Variants in LZTS2 observed in about 807,000 individuals in gnomAD.
LZTS2 encodes the protein leucine zipper tumor suppressor 2, also known as leucine zipper putative tumor suppressor 2.
In LZTS2, 32 loss-of-function variants were observed where a neutral mutation model predicts 60.6. The ratio of observed to expected loss-of-function variants is 0.53; its 90% CI spans 0.40 to 0.71. The LOEUF (loss-of-function observed/expected upper bound fraction) is 0.71. LZTS2 is among the 30% of genes least tolerant of loss of function. The probability of loss-of-function intolerance (pLI) is 0.00; values close to 1 mark genes in which losing one functional copy is unlikely to be tolerated. For synonymous variants in LZTS2, 360 were observed against 393.1 expected (o/e 0.92, Z 1.00); for missense variants, 792 against 901.9 (o/e 0.88, Z 1.56).
At chr10:101,001,948 G>C (rs1427444070) in exon 1 of LZTS2, 1 of 152,246 alleles carries the variant, frequency 6.6e-6, no homozygotes, top group Non-Finnish European at 1.5e-5. Context: ...TATTTAGCCA[G>C]ATCGACAGAG....
chr10:101,002,923 C>T (rs1296762210), exon 1 of LZTS2: 1 of 1,611,676 alleles, frequency 6.2e-7, no homozygotes, highest in East Asian at 2.2e-5. Flanking sequence ...AAAGCTCATC[C>T]CTGTCTCTGG....
chr10:101,001,921 A>G (rs1274806815), exon 1 of LZTS2: 1 of 152,224 alleles, frequency 6.6e-6, no homozygotes, highest in East Asian at 1.9e-4. Flanking sequence ...TGGACTCCCT[A>G]AGAGCCGCGG....
chr10:101,007,544 A>G, exon 4 of LZTS2: 1 of 1,319,884 alleles, frequency 7.6e-7, no homozygotes. Context: ...AAAGCCAGAG[A>G]AAGCCAGATG....
At chr10:101,007,618 C>T (rs1792374133) in exon 4 of LZTS2, 3 of 1,255,998 alleles carry the variant, frequency 2.4e-6, no homozygotes, top group African/African-American at 1.5e-5. Context: ...GGCTCGGTTC[C>T]CAGGTTTGAG....
upstream of LZTS2, chr10:100,999,341 G>C (rs1483925546): frequency 3.3e-5 from 5 of 152,378 alleles, no homozygotes; most frequent in Middle Eastern, 3.4e-3. Flanking sequence ...ATCGAGCCTC[G>C]GCCTCCTACT....
upstream of LZTS2, chr10:100,996,703 C>T (rs1851924314): frequency 6.6e-6 from 1 of 152,484 alleles, no homozygotes; most frequent in African/African-American, 2.4e-5. Flanking sequence ...GTGGGAGCTG[C>T]TCTGGTGAAA....
chr10:101,007,750 C>T lies in LZTS2; in HGVS notation c.*582C>T, dbSNP rs1345403725. The T allele has an allele frequency of 2.0e-5, 13 of 650,966 alleles. No homozygotes were observed. In the East Asian group the frequency reaches 8.2e-4, roughly 41 times the overall value. 40.3% of individuals were successfully genotyped at this position (650,966 alleles called of 1,614,324 possible). A position where few individuals can be genotyped will look rare whatever the true frequency, so the allele number is the denominator to read the frequency against. On this transcript the variant is annotated 3_prime_UTR_variant, in exon 4 of 4. Coordinates refer to ENST00000370220, the Ensembl canonical transcript of LZTS2. The stretch of plus-strand genomic sequence containing the variant: ...CTCCCTTCACCCAGGTTTATGGCCT[C>T]GTTTTCACTTGTATATTTTTCACAC...
upstream of LZTS2, among the ~76,000 whole-genome samples, chr10:100,997,601 T>C (rs1851942529): frequency 6.7e-6 from 1 of 149,062 alleles, no homozygotes; most frequent in South Asian, 2.2e-4. Flanking sequence ...GCCCTGTGAC[T>C]ACCGACGGGG....
At chr10:101,004,872 T>C (rs1301301893) in intron 2 of LZTS2, among the ~76,000 whole-genome samples, 2 of 152,208 alleles carry the variant, frequency 1.3e-5, no homozygotes, top group Non-Finnish European at 1.5e-5. Context: ...TTATTTTTTA[T>C]TTTTAGTAGA....
exon 1 of LZTS2, chr10:101,002,636 T>C: frequency 6.2e-7 from 1 of 1,604,394 alleles, no homozygotes; most frequent in Non-Finnish European, 8.5e-7. Context: ...AGCAGCCTTA[T>C]CTCAGGCCGG....
intron 2 of LZTS2, among the ~76,000 whole-genome samples, chr10:101,005,030 G>T (rs1208123415): frequency 6.6e-6 from 1 of 151,952 alleles, no homozygotes; most frequent in African/African-American, 2.4e-5. Flanking sequence ...TTGAGACAAG[G>T]TCTCATTCTG....
chr10:101,007,007 C>T, exon 4 of LZTS2: 1 of 1,569,794 alleles, frequency 6.4e-7, no homozygotes, highest in Admixed American at 1.9e-5. Flanking sequence ...CCAGAAGCAG[C>T]TGCAGCACAA....
At chr10:101,003,922 G>T (rs200388390) in exon 2 of LZTS2, 4 of 1,611,620 alleles carry the variant, frequency 2.5e-6, no homozygotes, top group Non-Finnish European at 3.4e-6. Context: ...GACAGTGGCC[G>T]GTCCTCCTCC....
exon 4 of LZTS2, chr10:101,006,746 T>A (rs754589675): frequency 1.3e-6 from 2 of 1,591,248 alleles, no homozygotes; most frequent in Admixed American, 3.5e-5. Context: ...AGCTGGGCAG[T>A]TGGATGCTGA....
exon 4 of LZTS2, chr10:101,006,662 C>T (rs543246211): frequency 1.4e-5 from 22 of 1,587,982 alleles, no homozygotes; most frequent in South Asian, 2.3e-5. Context: ...CGCCCGAGCT[C>T]GGGAGCTGGA....
chr10:101,002,281 C>G (rs1471777169), exon 1 of LZTS2: 5 of 365,948 alleles, frequency 1.4e-5, no homozygotes, highest in African/African-American at 1.0e-4. Flanking sequence ...CTCAGCATCT[C>G]TGCTGAGTGA....
chr10:101,004,045 C>A (rs200934813), exon 2 of LZTS2: 3 of 1,613,284 alleles, frequency 1.9e-6, no homozygotes, highest in African/African-American at 2.7e-5. Context: ...CCACCCCCGC[C>A]TCCACCTCCT....
chr10:101,006,834 A>C (rs758116097), exon 4 of LZTS2: 18 of 1,542,584 alleles, frequency 1.2e-5, no homozygotes, highest in Admixed American at 3.8e-5. Flanking sequence ...GATGAGGCCA[A>C]AGTGCAGCGG....
exon 1 of LZTS2, chr10:101,002,366 C>A: frequency 1.8e-6 from 1 of 542,546 alleles, no homozygotes; most frequent in Non-Finnish European, 3.0e-6. Flanking sequence ...AGATTCATTC[C>A]AGCACTTGAA....
Sources: gnomAD v4.1 joint callset for allele counts (sites outside exome capture counted in the v4.1 genomes callset) on GRCh38, gnomAD v4.1.1 for gene constraint, MANE v1.5 for transcripts, NCBI Gene and HGNC (gene_info 2026-07-23, HGNC 2026-07-21) for gene names.